The following KCNH5 variants were observed in gnomAD, a reference collection of about 807,000 sequenced individuals.
KCNH5 encodes potassium voltage-gated channel subfamily H member 5.
In KCNH5, 46 loss-of-function variants were observed where a neutral mutation model predicts 96.1. That is an observed-to-expected ratio of 0.48 (90% CI 0.38 to 0.61). The LOEUF (loss-of-function observed/expected upper bound fraction) is 0.61. KCNH5 is among the 20% of genes least tolerant of loss of function. The pLI is 0.00. For synonymous variants in KCNH5, 439 were observed against 449.8 expected (o/e 0.98, Z 0.30); for missense variants, 907 against 1,225.8 (o/e 0.74, Z 3.88).
rs1289336087 is a variant in KCNH5, at chr14:62,708,125, G to T, written c.2350C>A (p.Leu784Ile). The T allele has an allele frequency of 6.2e-7, 1 of 1,614,106 alleles. No homozygotes were observed. The highest frequency in any genetic ancestry group is 8.5e-7 in the Non-Finnish European group (1 of 1,180,054). The change falls in exon 11 of 11, where the codon CTC becomes ATC. Residue 784 changes from leucine (L) to isoleucine (I), a missense_variant. Leu to Ile is a conservative substitution (Grantham distance 5). Transcript: ENST00000322893. ...LKQNNRDAME[L>I]KPNGGADQKC... ...TGGTCAGCACCGCCGTTGGGCTTGA[G>T]TTCCATGGCATCACGGTTGTTCTGC...
intron 10 of KCNH5, among the ~76,000 whole-genome samples, chr14:62,739,021 T>C (rs1322334949): frequency 6.6e-6 from 1 of 152,086 alleles, no homozygotes; most frequent in Non-Finnish European, 1.5e-5. Flanking sequence ...AGGGAATAAA[T>C]TGGACAGGAG....
intron 4 of KCNH5, among the ~76,000 whole-genome samples, chr14:62,999,209 C>T (rs1293415443): frequency 1.3e-5 from 2 of 152,148 alleles, no homozygotes; most frequent in African/African-American, 4.8e-5. Flanking sequence ...TGTTTCCTGA[C>T]TTTTTAATGA....
At chr14:62,854,745 C>G (rs1028560395) in intron 7 of KCNH5, among the ~76,000 whole-genome samples, 3 of 151,806 alleles carry the variant, frequency 2.0e-5, no homozygotes, top group Non-Finnish European at 4.4e-5. Context: ...GCTAATCATA[C>G]TTAAGGTCTT....
intron 1 of KCNH5, among the ~76,000 whole-genome samples, chr14:63,030,066 T>C (rs1044589265): frequency 1.3e-5 from 2 of 152,124 alleles, no homozygotes; most frequent in Non-Finnish European, 2.9e-5. Context: ...TTGCCCAGAA[T>C]TTCAGTGACC....
At chr14:62,987,293 T>C in intron 4 of KCNH5, 106 bp from the exon 5 acceptor site, 1 of 756,792 alleles carries the variant, frequency 1.3e-6, no homozygotes, top group Non-Finnish European at 2.3e-6. Flanking sequence ...ACATCCAAAA[T>C]GAATGCAAAG....
intron 1 of KCNH5, among the ~76,000 whole-genome samples, chr14:63,025,592 A>G (rs1488006475): frequency 6.8e-6 from 1 of 146,944 alleles, no homozygotes; most frequent in Admixed American, 7.0e-5. Flanking sequence ...ATAAGCAATC[A>G]AGAAAACAAT....
chr14:62,799,636 C>T (rs1374874693), intron 9 of KCNH5, among the ~76,000 whole-genome samples: 1 of 120,608 alleles, frequency 8.3e-6, no homozygotes, highest in African/African-American at 3.0e-5. Context: ...ACTGAGTCAA[C>T]TTAATAAAGC....
intron 8 of KCNH5, among the ~76,000 whole-genome samples, chr14:62,809,589 T>TA (rs1383347233): frequency 1.4e-4 from 22 of 152,072 alleles, no homozygotes; most frequent in Admixed American, 1.4e-3. Flanking sequence ...GGCTTGGCTT[T>TA]AAAAAAGTCT....
intron 8 of KCNH5, among the ~76,000 whole-genome samples, chr14:62,822,153 G>C (rs1253796262): frequency 6.6e-6 from 1 of 152,128 alleles, no homozygotes. Context: ...GATATACCAT[G>C]TTAATAAATT....
At chr14:62,729,862 T>A (rs778894956) in intron 10 of KCNH5, among the ~76,000 whole-genome samples, 20 of 152,110 alleles carry the variant, frequency 1.3e-4, no homozygotes, top group Non-Finnish European at 2.9e-4. Flanking sequence ...CACCAGTACA[T>A]CTAGGGGACA....
intron 9 of KCNH5, among the ~76,000 whole-genome samples, chr14:62,793,083 T>A (rs1005828506): frequency 2.0e-5 from 3 of 151,766 alleles, no homozygotes; most frequent in African/African-American, 7.2e-5. Context: ...TCATATGAAG[T>A]GTCTATAATA....
chr14:62,888,924 A>C (rs1436435272), intron 7 of KCNH5, among the ~76,000 whole-genome samples: 5 of 152,214 alleles, frequency 3.3e-5, no homozygotes, highest in Non-Finnish European at 1.5e-5. Flanking sequence ...AAAACCTAAG[A>C]ATTTCTTAGC....
intron 8 of KCNH5, among the ~76,000 whole-genome samples, chr14:62,813,661 G>A (rs566467112): frequency 6.6e-6 from 1 of 152,054 alleles, no homozygotes; most frequent in Non-Finnish European, 1.5e-5. Context: ...TCCTTCTTTT[G>A]ACACAATTAA....
In KCNH5 at chr14:62,704,725, C is replaced by T; in HGVS notation, c.*2783G>A. The T allele has an allele frequency of 6.6e-6, 1 of 151,696 alleles. No homozygotes were observed. Among genetic ancestry groups the T allele is most frequent in the East Asian group, 1.9e-4 (1 of 5,188 alleles). 9.4% of individuals were successfully genotyped at this position (151,696 alleles called of 1,614,324 possible). A position where few individuals can be genotyped will look rare whatever the true frequency, so the allele number is the denominator to read the frequency against. On this transcript the variant is annotated 3_prime_UTR_variant, in exon 11 of 11. Transcript: ENST00000322893. ...TATTAAAATTTTTATTCTGGATGCA[C>T]CAAGAGCATCTATACAGTGTAGGAA...
intron 4 of KCNH5, among the ~76,000 whole-genome samples, chr14:62,996,471 A>C (rs1176551871): frequency 6.6e-6 from 1 of 152,220 alleles, no homozygotes; most frequent in African/African-American, 2.4e-5. Context: ...ATTCTAATTT[A>C]CATGTCTATC....
At chr14:62,959,065 C>T (rs1371779477) in intron 6 of KCNH5, among the ~76,000 whole-genome samples, 1 of 152,090 alleles carries the variant, frequency 6.6e-6, no homozygotes, top group Non-Finnish European at 1.5e-5. Flanking sequence ...TCCTTGCCAT[C>T]CCTTTCTCTA....
intron 8 of KCNH5, among the ~76,000 whole-genome samples, chr14:62,844,445 A>C (rs1887650513): frequency 6.6e-6 from 1 of 152,154 alleles, no homozygotes; most frequent in South Asian, 2.1e-4. Flanking sequence ...AAGTCATTTC[A>C]AACTGTGGGG....
chr14:62,827,244 C>T (rs950169773), intron 8 of KCNH5, among the ~76,000 whole-genome samples: 4 of 152,074 alleles, frequency 2.6e-5, no homozygotes, highest in Non-Finnish European at 5.9e-5. Context: ...GCAATGTTTC[C>T]CCAATAATAT....
intron 8 of KCNH5, among the ~76,000 whole-genome samples, chr14:62,838,457 AACT>A (rs768218099): frequency 3.3e-5 from 5 of 152,158 alleles, no homozygotes; most frequent in Non-Finnish European, 5.9e-5. Flanking sequence ...AAGCAACCTG[AACT>A]TGTTTTCAGA....
Sources: allele counts gnomAD v4.1 joint callset (sites outside exome capture counted in the v4.1 genomes callset), GRCh38; gene constraint gnomAD v4.1.1; transcripts MANE v1.5; gene names NCBI Gene and HGNC (gene_info 2026-07-23, HGNC 2026-07-21).